Variants in ITSN2 observed in about 807,000 individuals in gnomAD.
ITSN2 encodes intersectin-2.
ITSN2 carries 156 observed loss-of-function variants against 243.7 expected under a neutral mutation model. The observed-to-expected ratio is 0.64, with a 90% CI of 0.56 to 0.73. ITSN2 has a LOEUF of 0.73. Among genes scored for constraint, ITSN2 ranks in the 30% least tolerant of loss-of-function variants. The pLI, the probability that ITSN2 is intolerant of heterozygous loss-of-function variation, is 0.00. For missense variants in ITSN2, 1,801 were observed against 1,996.1 expected (o/e 0.90, Z 1.86); for synonymous variants, 703 against 699.9 (o/e 1.00, Z -0.07).
intron 37 of ITSN2, 45 bp from the exon 38 acceptor site, chr2:24,205,342 T>TGAAA (rs1274475466): frequency 6.6e-7 from 1 of 1,524,010 alleles, no homozygotes; most frequent in South Asian, 1.1e-5. Flanking sequence ...TCTCCAAGGA[T>TGAAA]GCAGACCCTG....
At chr2:24,244,739 C>T (rs572950581) in intron 29 of ITSN2, among the ~76,000 whole-genome samples, 218 of 152,268 alleles carry the variant, frequency 1.4e-3, no homozygotes, top group Non-Finnish European at 3.4e-4. Context: ...TTCTTTATCA[C>T]TTCTGAAACC....
chr2:24,328,013 T>C, intron 2 of ITSN2, 39 bp downstream of exon 2: 1 of 1,504,518 alleles, frequency 6.6e-7, no homozygotes. Context: ...AAAAAAAAAA[T>C]CCATAACCTC....
chr2:24,321,546 T>G (rs1405235117), intron 2 of ITSN2, among the ~76,000 whole-genome samples: 1 of 152,162 alleles, frequency 6.6e-6, no homozygotes, highest in African/African-American at 2.4e-5. Flanking sequence ...AAGAAACAGA[T>G]GTACTGAAGA....
chr2:24,308,221 T>C (rs1028638464), intron 8 of ITSN2, among the ~76,000 whole-genome samples: 1 of 152,202 alleles, frequency 6.6e-6, no homozygotes. Flanking sequence ...CTTGAGGTTA[T>C]ATAAACAGAG....
chr2:24,302,016 C>T lies in ITSN2; in HGVS notation c.944G>A (p.Gly315Glu). The change falls in exon 10 of 40, where the codon GGA becomes GAA. Residue 315 changes from glycine to glutamate, a missense_variant. By Grantham distance (98) the Gly-to-Glu change is moderately conservative (BLOSUM62 -2). Around this residue, in one of 5 missense-constraint regions of ITSN2, gnomAD observed 787 missense variants for 803.9 expected, o/e 0.98. Coordinates refer to ENST00000355123, the MANE Select transcript of ITSN2 (RefSeq NM_006277.3). ...AGGTAAAGTCAGTGGTAATGGCTGTCCAGCTTTGGCCATGTCAGTAAGGTG... is the reference window on the plus strand; with the variant it reads ...AGGTAAAGTCAGTGGTAATGGCTGTTCAGCTTTGGCCATGTCAGTAAGGTG... ...AMHLTDMAKA[G>E]QPLPLTLPPE... 1 of 1,613,278 alleles carries T rather than the reference C, an allele frequency of 6.2e-7. No homozygotes were observed. The highest frequency in any genetic ancestry group is 1.6e-4 in the Middle Eastern group (1 of 6,062).
chr2:24,288,466 CAT>C (rs990793822), intron 15 of ITSN2, among the ~76,000 whole-genome samples: 3 of 152,022 alleles, frequency 2.0e-5, no homozygotes, highest in African/African-American at 4.8e-5. Context: ...AGCTAATTAA[CAT>C]ATGCATAATT....
At position 24,300,276 on chromosome 2, in the gene ITSN2, T is replaced by C. The variant is rs141445907; in HGVS notation, c.1082-105A>G. On this transcript the variant is annotated intron_variant, in intron 11 of 39. Coordinates refer to ENST00000355123, the MANE Select transcript of ITSN2 (RefSeq NM_006277.3). ...CTTGTGATCATTTGAGTGCTATCAGTATTTGAATACTTCTCCTAAGGATAA... is the reference window on the plus strand; with the variant it reads ...CTTGTGATCATTTGAGTGCTATCAGCATTTGAATACTTCTCCTAAGGATAA... 4.2e-3 allele frequency: 4,276 copies of C among 1,013,918 alleles called. 17 individuals are homozygous for C. Among genetic ancestry groups the C allele is most frequent in the Middle Eastern group, 7.6e-3 (35 of 4,632 alleles). 62.8% of individuals were successfully genotyped at this position (1,013,918 alleles called of 1,614,324 possible).
At chr2:24,307,874 G>A (rs1682758548) in intron 8 of ITSN2, among the ~76,000 whole-genome samples, 1 of 152,082 alleles carries the variant, frequency 6.6e-6, no homozygotes, top group Non-Finnish European at 1.5e-5. Flanking sequence ...ACTTTTTCAT[G>A]GAGCTTAAAT....
chr2:24,341,394 G>C (rs997020214), intron 1 of ITSN2, among the ~76,000 whole-genome samples: 1 of 152,104 alleles, frequency 6.6e-6, no homozygotes, highest in South Asian at 2.1e-4. Context: ...AAAGAGACAA[G>C]AATAGTCAGA....
At chr2:24,332,874 T>C (rs1345710710) in intron 1 of ITSN2, among the ~76,000 whole-genome samples, 1 of 152,220 alleles carries the variant, frequency 6.6e-6, no homozygotes, top group Non-Finnish European at 1.5e-5. Flanking sequence ...TACACTTCTG[T>C]TGATCACAGT....
chr2:24,285,586 G>T (rs1456501367), intron 16 of ITSN2, among the ~76,000 whole-genome samples: 3 of 152,170 alleles, frequency 2.0e-5, no homozygotes, highest in East Asian at 3.8e-4. Context: ...TCTATGCCAT[G>T]AGCCTGGGTT....
At chr2:24,304,861 G>A (rs1185537173) in intron 8 of ITSN2, among the ~76,000 whole-genome samples, 2 of 152,150 alleles carry the variant, frequency 1.3e-5, no homozygotes, top group Non-Finnish European at 2.9e-5. Context: ...GGGCCATAGA[G>A]AGCCAACAGA....
rs1558483590 is a variant in ITSN2 at position 24,248,901 on chromosome 2, GTGT to G, written c.3121-22_3121-20del. The G allele has an allele frequency of 1.9e-6, 3 of 1,610,096 alleles. No individual in the cohort carries two copies. The highest frequency in any genetic ancestry group is 2.2e-5 in the South Asian group (2 of 90,828). ...CAAAACTCTACAAGGAAAAGATACC[GTGT>G]TGTTTTATTATTTCCAACAATCCAA... On this transcript the variant is annotated intron_variant, in intron 25 of 39. Transcript: ENST00000355123.
chr2:24,296,875 T>C (rs1681033922), intron 13 of ITSN2, among the ~76,000 whole-genome samples: 2 of 152,206 alleles, frequency 1.3e-5, no homozygotes, highest in Admixed American at 1.3e-4. Context: ...TGTGTATCTC[T>C]GCTGGAGCTC....
At chr2:24,247,070 C>T (rs1025497918) in intron 27 of ITSN2, among the ~76,000 whole-genome samples, 177 bp from the exon 28 acceptor site, 1 of 152,188 alleles carries the variant, frequency 6.6e-6, no homozygotes, top group Non-Finnish European at 1.5e-5. Context: ...CTTGGACTAT[C>T]CTGACTGGTC....
intron 29 of ITSN2, among the ~76,000 whole-genome samples, chr2:24,224,819 G>A (rs893719203): frequency 3.9e-5 from 6 of 152,118 alleles, no homozygotes; most frequent in Non-Finnish European, 7.4e-5. Context: ...TAGTAGAGAC[G>A]GGGTTTCGCC....
intron 15 of ITSN2, among the ~76,000 whole-genome samples, chr2:24,288,389 C>T (rs1414605127): frequency 6.6e-6 from 1 of 151,840 alleles, no homozygotes; most frequent in Non-Finnish European, 1.5e-5. Flanking sequence ...TTGTAATTGA[C>T]AAAAAATTGT....
chr2:24,350,588 A>G (rs557281758), intron 1 of ITSN2, among the ~76,000 whole-genome samples: 2 of 152,358 alleles, frequency 1.3e-5, no homozygotes, highest in Admixed American at 1.3e-4. Context: ...AATGTCCATC[A>G]ACTACAGATG....
chr2:24,296,008 G>C (rs531595541), intron 13 of ITSN2, among the ~76,000 whole-genome samples: 1 of 152,274 alleles, frequency 6.6e-6, no homozygotes, highest in East Asian at 1.9e-4. Flanking sequence ...ATCATTCTCA[G>C]AGTGCAAGAG....
Sources: allele counts gnomAD v4.1 joint callset (sites outside exome capture counted in the v4.1 genomes callset), GRCh38; gene constraint gnomAD v4.1.1; regional missense constraint gnomAD v4.1.1; transcripts MANE v1.5; gene names NCBI Gene and HGNC (gene_info 2026-07-23, HGNC 2026-07-21).